ALK: variants seen among roughly 807,000 people sequenced by gnomAD.
ALK encodes the protein ALK receptor tyrosine kinase.
ALK carries 74 observed loss-of-function variants against 163.1 expected under a neutral mutation model. The observed-to-expected ratio is 0.45, with a 90% CI of 0.38 to 0.55. ALK has a LOEUF of 0.55. ALK is among the 20% of genes least tolerant of loss of function. The probability of loss-of-function intolerance (pLI) is 0.00; values close to 1 mark genes in which losing one functional copy is unlikely to be tolerated. For synonymous variants in ALK, 960 were observed against 843.2 expected, an observed-to-expected ratio of 1.14 and a Z score of -2.40; for missense variants, 2,063 against 2,105.3, an observed-to-expected ratio of 0.98 and a Z score of 0.39.
At chr2:29,348,518 T>C (rs868826929) in intron 5 of ALK, among the ~76,000 whole-genome samples, 14 of 152,182 alleles carry the variant, frequency 9.2e-5, no homozygotes, top group Non-Finnish European at 2.1e-4. Context: ...AGCCAAAGCT[T>C]AGAAATACCA....
rs971799902 is a variant in ALK at position 29,220,785 on chromosome 2, G to T, written c.3566C>A (p.Ser1189Tyr). 2 of 1,613,998 alleles carry T rather than the reference G, an allele frequency of 1.2e-6. No individual in the cohort carries two copies. Among genetic ancestry groups the T allele is most frequent in the Admixed American group, 3.3e-5 (2 of 60,000 alleles). ...CTCCAGCAGGATGAACCGGGGCAGG[G>T]ATTGCAGGCTCACCCCAATGCAGCG... ...IVRCIGVSLQ[S>Y]LPRFILLELM... Residue 1189 changes from serine to tyrosine, a missense_variant, in exon 23 of 29, where the codon TCC (serine) becomes TAC (tyrosine). Coordinates refer to ENST00000389048, the MANE Select transcript of ALK (RefSeq NM_004304.5).
rs1026154215 is a variant in ALK, at chr2:29,193,053, C to CA, written c.*170dup. On this transcript the variant is annotated 3_prime_UTR_variant, in exon 29 of 29. Coordinates refer to ENST00000389048, the MANE Select transcript of ALK (RefSeq NM_004304.5). ...CGAAAGAATAGGATGAACCCATGCT[C>CA]AAAACCTTTCTAAAGCATTTTCAAA... is the stretch of plus-strand genomic sequence containing the variant. 4.1e-6 allele frequency: 3 copies of CA among 732,792 alleles called. No homozygotes were observed. In the African/African-American group the frequency reaches 5.3e-5, roughly 13 times the overall value. 45.4% of individuals were successfully genotyped at this position (732,792 alleles called of 1,614,324 possible). A position where few individuals can be genotyped will look rare whatever the true frequency, so the allele number is the denominator to read the frequency against.
chr2:29,613,283 A>G (rs1675748651), intron 3 of ALK, among the ~76,000 whole-genome samples: 1 of 152,250 alleles, frequency 6.6e-6, no homozygotes, highest in African/African-American at 2.4e-5. Context: ...TTTATCCCAG[A>G]TGACTGGCAT....
At chr2:29,385,654 G>A (rs894656929) in intron 4 of ALK, among the ~76,000 whole-genome samples, 3 of 152,092 alleles carry the variant, frequency 2.0e-5, no homozygotes, top group Non-Finnish European at 4.4e-5. Flanking sequence ...GCCTCCCAAA[G>A]TGCTGAGATT....
chr2:29,918,512 C>G (rs1300463390), intron 1 of ALK, among the ~76,000 whole-genome samples: 1 of 152,130 alleles, frequency 6.6e-6, no homozygotes, highest in African/African-American at 2.4e-5. Context: ...TCATCAGTGC[C>G]TCTTAGGATG....
intron 23 of ALK, among the ~76,000 whole-genome samples, chr2:29,218,817 G>C (rs1054911374): frequency 7.2e-5 from 11 of 152,266 alleles, no homozygotes; most frequent in South Asian, 2.1e-4. Context: ...GAGAATCTCA[G>C]GGCATGAGGG....
chr2:29,741,816 AAGCTGC>A (rs1462227437), intron 1 of ALK, among the ~76,000 whole-genome samples: 2 of 152,192 alleles, frequency 1.3e-5, no homozygotes, highest in Non-Finnish European at 2.9e-5. Context: ...CATGGGATCC[AAGCTGC>A]AGCTTCAGAG....
chr2:29,680,072 T>G (rs1183568378), intron 3 of ALK, among the ~76,000 whole-genome samples: 1 of 152,028 alleles, frequency 6.6e-6, no homozygotes, highest in Non-Finnish European at 1.5e-5. Context: ...ATTTCAATAT[T>G]CCCTGTACAT....
At chr2:29,821,047 G>A (rs2148378681) in intron 1 of ALK, among the ~76,000 whole-genome samples, 1 of 152,328 alleles carries the variant, frequency 6.6e-6, no homozygotes, top group South Asian at 2.1e-4. Context: ...CCGAGTGAGG[G>A]CGGGTGTCTG....
At chr2:29,881,095 A>T (rs1242174120) in intron 1 of ALK, among the ~76,000 whole-genome samples, 1 of 152,110 alleles carries the variant, frequency 6.6e-6, no homozygotes, top group Non-Finnish European at 1.5e-5. Flanking sequence ...CTCACGGACA[A>T]CCAGCTCATG....
intron 1 of ALK, among the ~76,000 whole-genome samples, chr2:29,732,773 C>T (rs922652544): frequency 6.6e-6 from 1 of 152,154 alleles, no homozygotes; most frequent in Admixed American, 6.5e-5. Flanking sequence ...CAAGAAGGCA[C>T]TGCTCGTGAA....
chr2:29,263,448 A>G (rs1359256632), intron 11 of ALK, among the ~76,000 whole-genome samples: 2 of 152,144 alleles, frequency 1.3e-5, no homozygotes, highest in Non-Finnish European at 2.9e-5. Context: ...AGGCAGCCCA[A>G]CTGGCTTGGG....
At chr2:29,719,182 T>TA (rs1284477324) in intron 1 of ALK, among the ~76,000 whole-genome samples, 1 of 152,214 alleles carries the variant, frequency 6.6e-6, no homozygotes, top group Non-Finnish European at 1.5e-5. Context: ...GTCTCCTTCC[T>TA]AAAAAAACAT....
intron 8 of ALK, among the ~76,000 whole-genome samples, chr2:29,307,273 T>C (rs1308801846): frequency 6.6e-6 from 1 of 152,218 alleles, no homozygotes; most frequent in Non-Finnish European, 1.5e-5. Context: ...CCCCTAAATG[T>C]AGGAAATGTT....
At chr2:29,266,992 G>C (rs1448810560) in intron 11 of ALK, among the ~76,000 whole-genome samples, 7 of 152,176 alleles carry the variant, frequency 4.6e-5, no homozygotes, top group Admixed American at 4.6e-4. Flanking sequence ...GGTGAGATCT[G>C]TGAATTGCTT....
chr2:29,668,638 T>G (rs2148268086), intron 3 of ALK, among the ~76,000 whole-genome samples: 1 of 152,272 alleles, frequency 6.6e-6, no homozygotes, highest in South Asian at 2.1e-4. Context: ...TTCTTTGAAC[T>G]TGTTCAGCCT....
chr2:29,198,684 G>A (rs899065209), intron 26 of ALK, among the ~76,000 whole-genome samples: 10 of 152,164 alleles, frequency 6.6e-5, no homozygotes, highest in African/African-American at 2.2e-4. Flanking sequence ...CCAGCATTGA[G>A]TATTCTTAAT....
At chr2:29,814,427 G>A (rs1026124754) in intron 1 of ALK, among the ~76,000 whole-genome samples, 9 of 151,852 alleles carry the variant, frequency 5.9e-5, no homozygotes, top group Non-Finnish European at 1.2e-4. Context: ...TTGGGAGGCC[G>A]AGGCGGGCGG....
chr2:29,859,920 G>A (rs1385573692), intron 1 of ALK, among the ~76,000 whole-genome samples: 1 of 152,294 alleles, frequency 6.6e-6, no homozygotes, highest in East Asian at 1.9e-4. Context: ...ATAAGGGAAA[G>A]GGTGTTAGTA....
Sources: allele counts gnomAD v4.1 joint callset (sites outside exome capture counted in the v4.1 genomes callset), GRCh38; gene constraint gnomAD v4.1.1; transcripts MANE v1.5; gene names NCBI Gene and HGNC (gene_info 2026-07-23, HGNC 2026-07-21).